BMPR1B: variants seen among roughly 807,000 people sequenced by gnomAD.
BMPR1B encodes bone morphogenetic protein receptor type-1B.
Under a neutral mutation model 59.1 loss-of-function variants are expected in BMPR1B, and 12 were observed. The ratio of observed to expected loss-of-function variants is 0.20; its 90% confidence interval spans 0.13 to 0.33. BMPR1B has a LOEUF of 0.33. Among genes scored for constraint, BMPR1B ranks in the 10% least tolerant of loss-of-function variants. The probability of loss-of-function intolerance (pLI) is 1.00; values close to 1 mark genes in which losing one functional copy is unlikely to be tolerated. For missense variants in BMPR1B, 550 were observed against 610.9 expected, an observed-to-expected ratio of 0.90 and a Z score of 1.05; for synonymous variants, 237 against 207.3, an observed-to-expected ratio of 1.14 and a Z score of -1.23.
chr4:95,042,017 C>T (rs376755539), intron 3 of BMPR1B, among the ~76,000 whole-genome samples: 16 of 152,178 alleles, frequency 1.1e-4, no homozygotes, highest in Admixed American at 6.5e-4. Flanking sequence ...CCACCACGCC[C>T]GGCTAATTTT....
At chr4:95,007,367 G>C (rs761275089) in intron 3 of BMPR1B, among the ~76,000 whole-genome samples, 2 of 152,052 alleles carry the variant, frequency 1.3e-5, no homozygotes, top group East Asian at 1.9e-4. Context: ...TTTTACCTTT[G>C]CCTTGCTCTG....
chr4:95,146,899 A>G (rs969608113), intron 10 of BMPR1B, among the ~76,000 whole-genome samples: 1 of 152,194 alleles, frequency 6.6e-6, no homozygotes, highest in Non-Finnish European at 1.5e-5. Context: ...TCTTCTCAGC[A>G]TACTTTCCTC....
chr4:95,116,329 AATATTGCCTCCCAAG>A (rs905236011), intron 6 of BMPR1B, among the ~76,000 whole-genome samples: 6 of 151,228 alleles, frequency 4.0e-5, no homozygotes, highest in African/African-American at 1.5e-4. Flanking sequence ...TAAAATGACA[AATATTGCCTCCCAAG>A]ATATTGCCTC....
chr4:95,063,543 T>A (rs1187101944), intron 3 of BMPR1B, among the ~76,000 whole-genome samples: 1 of 152,132 alleles, frequency 6.6e-6, no homozygotes, highest in African/African-American at 2.4e-5. Flanking sequence ...TAGATTGAAA[T>A]CAACACTGGC....
At chr4:95,030,871 G>C (rs190006251) in intron 3 of BMPR1B, among the ~76,000 whole-genome samples, 47 of 152,214 alleles carry the variant, frequency 3.1e-4, no homozygotes, top group Non-Finnish European at 6.0e-4. Flanking sequence ...AAATAAAAGA[G>C]GATACAAAGA....
chr4:95,078,977 T>C (rs1035794276), intron 3 of BMPR1B, among the ~76,000 whole-genome samples: 2 of 152,162 alleles, frequency 1.3e-5, no homozygotes, highest in Admixed American at 6.5e-5. Flanking sequence ...CAGGATGGTC[T>C]AGAGCCCCTG....
intron 2 of BMPR1B, among the ~76,000 whole-genome samples, chr4:94,925,581 A>C (rs1302964566): frequency 6.6e-6 from 1 of 152,154 alleles, no homozygotes; most frequent in Admixed American, 6.6e-5. Context: ...AGATGAGCCC[A>C]AGTCTTTCAC....
chr4:94,856,544 A>G (rs931411954), intron 1 of BMPR1B, among the ~76,000 whole-genome samples: 2 of 152,192 alleles, frequency 1.3e-5, no homozygotes, highest in African/African-American at 2.4e-5. Flanking sequence ...CTGATTAACA[A>G]TATGTAACAA....
chr4:94,849,930 G>A (rs1027442271), intron 1 of BMPR1B, among the ~76,000 whole-genome samples: 2 of 152,070 alleles, frequency 1.3e-5, no homozygotes, highest in Admixed American at 1.3e-4. Flanking sequence ...GCTGTTGCCT[G>A]TGCTAGGATC....
intron 11 of BMPR1B, among the ~76,000 whole-genome samples, chr4:95,150,417 C>T (rs1027642352): frequency 4.1e-5 from 6 of 147,266 alleles, no homozygotes; most frequent in African/African-American, 1.5e-4. Context: ...GAGGACTAGT[C>T]TGGGCAATAG....
At chr4:94,887,486 A>G (rs1727229293) in intron 2 of BMPR1B, among the ~76,000 whole-genome samples, 1 of 151,088 alleles carries the variant, frequency 6.6e-6, no homozygotes, top group South Asian at 2.1e-4. Flanking sequence ...ACATTTAGGT[A>G]TAAGAAAAAT....
intron 3 of BMPR1B, among the ~76,000 whole-genome samples, chr4:95,012,798 G>C (rs1723314312): frequency 6.6e-6 from 1 of 152,000 alleles, no homozygotes; most frequent in Non-Finnish European, 1.5e-5. Flanking sequence ...AACACAAGCA[G>C]AATTACAAGT....
At chr4:94,890,847 C>T (rs1489708094) in intron 2 of BMPR1B, among the ~76,000 whole-genome samples, 1 of 151,922 alleles carries the variant, frequency 6.6e-6, no homozygotes, top group Non-Finnish European at 1.5e-5. Context: ...CCCAAAGGCT[C>T]CATTTCTGAG....
At chr4:95,004,490 A>G (rs186074401) in intron 3 of BMPR1B, among the ~76,000 whole-genome samples, 33 of 152,280 alleles carry the variant, frequency 2.2e-4, no homozygotes, top group Non-Finnish European at 4.0e-4. Flanking sequence ...TAGTTTATTT[A>G]TATTCCTCAT....
chr4:94,787,044 G>A (rs1406131164), intron 1 of BMPR1B, among the ~76,000 whole-genome samples: 1 of 152,090 alleles, frequency 6.6e-6, no homozygotes, highest in African/African-American at 2.4e-5. Context: ...AGGGCGACAA[G>A]GAATGAATTA....
chr4:94,831,744 A>ACAG (rs1346427174), intron 1 of BMPR1B, among the ~76,000 whole-genome samples: 1 of 152,202 alleles, frequency 6.6e-6, no homozygotes, highest in East Asian at 1.9e-4. Context: ...CAGGAGATGA[A>ACAG]CAGCAGGGAA....
intron 3 of BMPR1B, among the ~76,000 whole-genome samples, chr4:95,067,068 T>C (rs1391660859): frequency 6.6e-6 from 1 of 152,226 alleles, no homozygotes; most frequent in Non-Finnish European, 1.5e-5. Context: ...TCTTATTTCT[T>C]TTAATTGAGA....
At chr4:94,833,801 G>C (rs1462288413) in intron 1 of BMPR1B, among the ~76,000 whole-genome samples, 1 of 152,190 alleles carries the variant, frequency 6.6e-6, no homozygotes, top group Non-Finnish European at 1.5e-5. Context: ...GTGGGTGTGT[G>C]AGGTAGTGAG....
At chr4:95,136,413 T>G (rs762110097) in intron 10 of BMPR1B, among the ~76,000 whole-genome samples, 2 of 152,226 alleles carry the variant, frequency 1.3e-5, no homozygotes, top group African/African-American at 4.8e-5. Flanking sequence ...ATCAGGATGA[T>G]GCTGGCCTCA....
Sources: allele counts gnomAD v4.1 joint callset (sites outside exome capture counted in the v4.1 genomes callset), GRCh38; gene constraint gnomAD v4.1.1; transcripts MANE v1.5; gene names NCBI Gene and HGNC (gene_info 2026-07-23, HGNC 2026-07-21).